The following AGMO variants were observed in gnomAD, a reference collection of about 807,000 sequenced individuals.
AGMO encodes alkylglycerol monooxygenase, also known as glyceryl-ether monooxygenase.
In AGMO, 75 loss-of-function variants were observed where a neutral mutation model predicts 60.2. The observed-to-expected ratio is 1.25, with a 90% confidence interval of 1.03 to 1.51. The LOEUF is 1.51. Ranked by LOEUF, AGMO falls within the 40% of genes most tolerant of loss-of-function variation. AGMO has a pLI of 0.00. For missense variants in AGMO, 763 were observed against 525.5 expected (o/e 1.45, Z -4.42); for synonymous variants, 261 against 177.1 (o/e 1.47, Z -3.76).
intron 10 of AGMO, among the ~76,000 whole-genome samples, chr7:15,368,328 C>A (rs1783064179): frequency 6.7e-6 from 1 of 148,288 alleles, no homozygotes; most frequent in South Asian, 2.1e-4. Flanking sequence ...GTAGAAGTAA[C>A]TAAGGTTTGT....
intron 12 of AGMO, among the ~76,000 whole-genome samples, chr7:15,242,401 G>T (rs887784266): frequency 6.6e-6 from 1 of 151,972 alleles, no homozygotes; most frequent in African/African-American, 2.4e-5. Flanking sequence ...AAGGTTGTAG[G>T]GTAAAATTGG....
chr7:15,508,600 T>A (rs1331002264), intron 3 of AGMO, among the ~76,000 whole-genome samples: 1 of 151,982 alleles, frequency 6.6e-6, no homozygotes, highest in Non-Finnish European at 1.5e-5. Flanking sequence ...TTCAATCTAG[T>A]CCACAAGAGA....
chr7:15,462,671 C>T (rs1782173893), intron 3 of AGMO, among the ~76,000 whole-genome samples: 1 of 152,106 alleles, frequency 6.6e-6, no homozygotes, highest in African/African-American at 2.4e-5. Flanking sequence ...AATTTCTATT[C>T]ACAAAACTTT....
intron 9 of AGMO, 143 bp downstream of exon 9, chr7:15,387,263 T>A: frequency 1.1e-6 from 1 of 901,868 alleles, no homozygotes; most frequent in Non-Finnish European, 1.7e-6. Context: ...ACTCATTAAG[T>A]AAGTTATGCA....
intron 3 of AGMO, among the ~76,000 whole-genome samples, chr7:15,531,062 G>GTATATATTCTATATATATTCTATA (rs1554283441): frequency 1.3e-4 from 2 of 15,516 alleles, no homozygotes; most frequent in Non-Finnish European, 2.1e-4. Context: ...TATATATTCT[G>GTATATATTCTATATATATTCTATA]TATATATTCT....
rs1782558894 is a variant in AGMO at position 15,240,536 on chromosome 7, T to G, written c.1264-39177A>C. On this transcript the variant is annotated intron_variant, in intron 12 of 12. Transcript: ENST00000342526. ...AGGTGCAGAGATAAAGACTGATCTT[T>G]AGTATCTTTTTATCCTTTACATGGA... Among the ~76,000 whole-genome samples the G allele has an allele frequency of 2.0e-5, 3 of 152,176 alleles. No homozygotes were observed. The South Asian group carries it at 6.2e-4, about 31-fold the overall frequency.
chr7:15,438,207 A>T (rs567463568), intron 3 of AGMO, among the ~76,000 whole-genome samples: 11 of 152,038 alleles, frequency 7.2e-5, no homozygotes, highest in African/African-American at 2.6e-4. Flanking sequence ...GCTTATTGTC[A>T]TTTGAATAAA....
At chr7:15,240,322 C>T (rs895973110) in intron 12 of AGMO, among the ~76,000 whole-genome samples, 3 of 151,942 alleles carry the variant, frequency 2.0e-5, no homozygotes, top group African/African-American at 7.3e-5. Flanking sequence ...AAATTAATTG[C>T]TTGTTTGAAA....
chr7:15,121,223 G>C, the AGMO span, among the ~76,000 whole-genome samples: 1 of 152,050 alleles, frequency 6.6e-6, no homozygotes, highest in Non-Finnish European at 1.5e-5. Context: ...GTCTATCATT[G>C]ATGGGCATTT....
intron 12 of AGMO, among the ~76,000 whole-genome samples, chr7:15,330,544 T>C (rs1055042271): frequency 1.3e-5 from 2 of 152,192 alleles, no homozygotes; most frequent in African/African-American, 2.4e-5. Flanking sequence ...TTTGAGATTT[T>C]TGAGGTTAGG....
At chr7:15,368,745 C>G (rs902012921) in intron 10 of AGMO, among the ~76,000 whole-genome samples, 2 of 152,092 alleles carry the variant, frequency 1.3e-5, no homozygotes, top group African/African-American at 4.8e-5. Flanking sequence ...TTCTAATTAG[C>G]TCTTCCAGAT....
chr7:15,348,301 C>T (rs1457296926), intron 12 of AGMO, among the ~76,000 whole-genome samples: 1 of 151,972 alleles, frequency 6.6e-6, no homozygotes, highest in Non-Finnish European at 1.5e-5. Flanking sequence ...CAATATAGTG[C>T]TAAAGTCAAA....
intron 12 of AGMO, among the ~76,000 whole-genome samples, chr7:15,364,949 C>T (rs1331016818): frequency 6.6e-6 from 1 of 151,982 alleles, no homozygotes; most frequent in Non-Finnish European, 1.5e-5. Flanking sequence ...ATGTCTTTAA[C>T]AGCTGCCTAG....
chr7:15,320,134 G>C lies in AGMO; in HGVS notation c.1263+45380C>G, dbSNP rs1198638165. The stretch of plus-strand genomic sequence containing the variant: ...GTTGTGGGGTGGGGGAGGGGGAAGG[G>C]ATAGCATTGGGAGATATACCTAATG... On this transcript the variant is annotated intron_variant, in intron 12 of 12. Transcript: ENST00000342526. Among the ~76,000 whole-genome samples the C allele has an allele frequency of 5.9e-5, 9 of 151,512 alleles. No homozygotes were observed. In the East Asian group the frequency reaches 1.2e-3, roughly 20 times the overall value.
the AGMO span, among the ~76,000 whole-genome samples, chr7:15,123,124 T>C: frequency 1.2e-4 from 19 of 152,076 alleles, 1 homozygote. Flanking sequence ...TTCTGTTGTT[T>C]TCTTTTCCCA....
At chr7:15,296,112 C>CT (rs1268091002) in intron 12 of AGMO, among the ~76,000 whole-genome samples, 7 of 151,842 alleles carry the variant, frequency 4.6e-5, no homozygotes, top group African/African-American at 1.2e-4. Context: ...AGATGTTAGT[C>CT]TTTTTTTTCT....
At chr7:15,482,116 GA>G (rs368577015) in intron 3 of AGMO, among the ~76,000 whole-genome samples, 1 of 148,138 alleles carries the variant, frequency 6.8e-6, no homozygotes, top group Non-Finnish European at 1.5e-5. Flanking sequence ...GAAAAAATCA[GA>G]AAAAAAGAAA....
intron 12 of AGMO, chr7:15,358,517 T>A: frequency 2.2e-6 from 1 of 452,580 alleles, no homozygotes; most frequent in South Asian, 1.6e-5. Context: ...ATTAGGAGGG[T>A]AAGAATCCCT....
At chr7:15,209,799 G>A (rs1583293835) in intron 12 of AGMO, among the ~76,000 whole-genome samples, 1 of 152,148 alleles carries the variant, frequency 6.6e-6, no homozygotes, top group African/African-American at 2.4e-5. Context: ...TCAGATGCCT[G>A]AATTTTCCCT....
Sources: gnomAD v4.1 joint callset for allele counts (sites outside exome capture counted in the v4.1 genomes callset) on GRCh38, gnomAD v4.1.1 for gene constraint, MANE v1.5 for transcripts, NCBI Gene and HGNC (gene_info 2026-07-23, HGNC 2026-07-21) for gene names.